Variants in PATJ observed in about 807,000 individuals in gnomAD.
PATJ encodes inaD-like protein.
Under a neutral mutation model 224.9 loss-of-function variants are expected in PATJ, and 190 were observed. The observed-to-expected ratio is 0.84, with a 90% CI of 0.75 to 0.95. The LOEUF is 0.95. Among genes scored for constraint, PATJ ranks in the 40% least tolerant of loss-of-function variants. The pLI, the probability that PATJ is intolerant of heterozygous loss-of-function variation, is 0.00. For missense variants in PATJ, 2,121 were observed against 2,270.3 expected, an observed-to-expected ratio of 0.93 and a Z score of 1.34; for synonymous variants, 769 against 820.3, an observed-to-expected ratio of 0.94 and a Z score of 1.07.
At chr1:62,079,368 G>A in intron 31 of PATJ, 82 bp from the exon 32 acceptor site, 5 of 819,410 alleles carry the variant, frequency 6.1e-6, no homozygotes, top group Non-Finnish European at 1.0e-5. Context: ...CCATTGTTTT[G>A]GTAACAATAC....
chr1:61,855,113 G>A (rs1663442003), intron 17 of PATJ, among the ~76,000 whole-genome samples: 1 of 152,146 alleles, frequency 6.6e-6, no homozygotes, highest in Non-Finnish European at 1.5e-5. Context: ...GTATAAGAAC[G>A]GAGTATCATT....
intron 33 of PATJ, among the ~76,000 whole-genome samples, chr1:62,091,846 A>C (rs1187920247): frequency 6.6e-6 from 1 of 152,150 alleles, no homozygotes; most frequent in Non-Finnish European, 1.5e-5. Flanking sequence ...ACCAGAGGTC[A>C]GGAGTTTTAA....
intron 24 of PATJ, among the ~76,000 whole-genome samples, chr1:61,906,552 A>G (rs1017415340): frequency 2.0e-5 from 3 of 152,216 alleles, no homozygotes; most frequent in Non-Finnish European, 4.4e-5. Flanking sequence ...ATTTCATATT[A>G]TACCACAGGC....
In PATJ at chr1:61,901,464, A is replaced by G. The variant is rs918994578; in HGVS notation, c.3381+5A>G. On this transcript the variant is annotated splice_donor_5th_base_variant and intron_variant, in intron 24 of 43. Transcript: ENST00000642238. ...ACTGGAGATAAAATACTTGAGGTAA[A>G]TGATGTTAAAGTACTGTTTTTATTG... 1.3e-5 allele frequency: 21 copies of G among 1,564,604 alleles called. No homozygotes were observed. Among genetic ancestry groups the G allele is most frequent in the Middle Eastern group, 1.7e-4 (1 of 5,980 alleles).
intron 29 of PATJ, among the ~76,000 whole-genome samples, chr1:62,026,716 A>G (rs1418310277): frequency 2.0e-5 from 3 of 152,232 alleles, no homozygotes; most frequent in Admixed American, 6.5e-5. Flanking sequence ...CATGCTGAAG[A>G]CAATCATGAT....
chr1:62,010,211 A>T (rs1646360910), intron 28 of PATJ, among the ~76,000 whole-genome samples: 3 of 151,812 alleles, frequency 2.0e-5, no homozygotes, highest in Admixed American at 2.0e-4. Context: ...TCCACTTCTG[A>T]TTCTAGTTCT....
chr1:62,096,843 C>T (rs1391868719), intron 33 of PATJ, among the ~76,000 whole-genome samples: 1 of 152,190 alleles, frequency 6.6e-6, no homozygotes, highest in Non-Finnish European at 1.5e-5. Context: ...TCTTGAACTC[C>T]TGACCTCAGG....
At chr1:61,752,311 CTTTTTTTTT>C (rs370759266) in intron 1 of PATJ, among the ~76,000 whole-genome samples, 21 of 124,044 alleles carry the variant, frequency 1.7e-4, no homozygotes, top group Admixed American at 7.0e-4. Context: ...TCATTTCTTT[CTTTTTTTTT>C]TTTTTTTTTT....
intron 17 of PATJ, among the ~76,000 whole-genome samples, chr1:61,853,445 T>C (rs893385474): frequency 1.3e-5 from 2 of 152,216 alleles, no homozygotes; most frequent in African/African-American, 2.4e-5. Context: ...TGCAGTTTTC[T>C]CTAAGGAAGT....
chr1:61,906,222 G>A (rs1021350013), intron 24 of PATJ, among the ~76,000 whole-genome samples: 2 of 152,120 alleles, frequency 1.3e-5, no homozygotes, highest in African/African-American at 4.8e-5. Context: ...CCACACTCTG[G>A]GTATACCACC....
At chr1:61,954,844 C>T (rs1680219254) in intron 27 of PATJ, among the ~76,000 whole-genome samples, 1 of 151,020 alleles carries the variant, frequency 6.6e-6, no homozygotes, top group Admixed American at 6.6e-5. Flanking sequence ...AACTTCTCCT[C>T]CCGGGTTCAC....
chr1:62,021,096 G>A (rs569638528), intron 29 of PATJ, among the ~76,000 whole-genome samples: 1 of 152,210 alleles, frequency 6.6e-6, no homozygotes, highest in African/African-American at 2.4e-5. Flanking sequence ...CCAAAGTGCT[G>A]GGATCACAGA....
At chr1:62,152,223 T>G (rs1668700448) in intron 42 of PATJ, among the ~76,000 whole-genome samples, 1 of 152,240 alleles carries the variant, frequency 6.6e-6, no homozygotes, top group Middle Eastern at 3.4e-3. Context: ...AAATGGAAAT[T>G]TGGACTCAAT....
chr1:61,822,004 A>G (rs1167559037), intron 14 of PATJ, among the ~76,000 whole-genome samples: 6 of 152,232 alleles, frequency 3.9e-5, no homozygotes, highest in Non-Finnish European at 7.3e-5. Flanking sequence ...CCTAGAATGG[A>G]TAAACGATTG....
intron 20 of PATJ, chr1:61,865,731 G>T (rs187063430): frequency 6.6e-6 from 1 of 152,122 alleles, no homozygotes; most frequent in East Asian, 1.9e-4. Context: ...TTACTGTATG[G>T]GGACATTTTT....
intron 27 of PATJ, among the ~76,000 whole-genome samples, chr1:61,948,363 A>G (rs1157066516): frequency 6.6e-6 from 1 of 152,216 alleles, no homozygotes. Flanking sequence ...AAACAAATTT[A>G]CAAGAAAAAA....
intron 17 of PATJ, among the ~76,000 whole-genome samples, chr1:61,836,371 A>G (rs1273320177): frequency 6.6e-6 from 1 of 152,230 alleles, no homozygotes; most frequent in Middle Eastern, 3.2e-3. Context: ...TTCTGCCAAC[A>G]AAGGATTAGA....
intron 9 of PATJ, among the ~76,000 whole-genome samples, chr1:61,795,243 A>C (rs1343643570): frequency 6.6e-6 from 1 of 151,996 alleles, no homozygotes. Context: ...TCCACTACTG[A>C]TTATTTTAAC....
Position 62,051,006 on chromosome 1 carries a change from G to T in PATJ, c.4073G>T (p.Gly1358Val). ...GTEPISSEED[G>V]SVEVGIKQLP... ...GAACCTATTAGTAGTGAGGAAGATG[G>T]CAGCGTCGAAGTTGGTATTAAACAA... The change falls in exon 31 of 44, where the codon GGC becomes GTC. Residue 1358 changes from glycine (G) to valine (V), a missense_variant. By Grantham distance (109) the Gly-to-Val change is moderately radical (BLOSUM62 -3). Transcript: ENST00000642238. 1 of 1,614,056 alleles carries T rather than the reference G, an allele frequency of 6.2e-7. No individual in the cohort carries two copies.
Sources: gnomAD v4.1 joint callset for allele counts (sites outside exome capture counted in the v4.1 genomes callset) on GRCh38, gnomAD v4.1.1 for gene constraint, MANE v1.5 for transcripts, NCBI Gene and HGNC (gene_info 2026-07-23, HGNC 2026-07-21) for gene names.